OSBPL6: variants seen among roughly 807,000 people sequenced by gnomAD.
OSBPL6 encodes the protein oxysterol binding protein like 6, also known as oxysterol-binding protein-related protein 6.
OSBPL6 carries 49 observed loss-of-function variants against 125.8 expected under a neutral mutation model. That is an observed-to-expected ratio of 0.39 (90% CI 0.31 to 0.49). OSBPL6 has a LOEUF of 0.49. Ranked by LOEUF, OSBPL6 falls within the 20% of genes least tolerant of loss-of-function variation. The probability of loss-of-function intolerance (pLI) is 0.88; values close to 1 mark genes in which losing one functional copy is unlikely to be tolerated. For missense variants in OSBPL6, 986 were observed against 1,135.4 expected (o/e 0.87, Z 1.89); for synonymous variants, 394 against 391.8 (o/e 1.01, Z -0.07).
chr2:178,325,844 G>A (rs1688655377), intron 4 of OSBPL6, among the ~76,000 whole-genome samples: 2 of 152,182 alleles, frequency 1.3e-5, no homozygotes, highest in South Asian at 4.1e-4. Flanking sequence ...CACAGCAGAT[G>A]GGGCTTGGGT....
chr2:178,313,658 T>C (rs334597), intron 3 of OSBPL6, among the ~76,000 whole-genome samples: 147,905 of 152,332 alleles, frequency 0.97, 71,841 homozygotes, highest in Non-Finnish European at 0.98. Flanking sequence ...CCAGTTTTTA[T>C]GAAATCTATA....
intron 5 of OSBPL6, among the ~76,000 whole-genome samples, chr2:178,330,899 A>G (rs1689140386): frequency 6.6e-6 from 1 of 152,170 alleles, no homozygotes. Context: ...CTGTACTAGG[A>G]TTATCTTGGA....
intron 12 of OSBPL6, among the ~76,000 whole-genome samples, chr2:178,356,436 C>T (rs1194168502): frequency 2.0e-5 from 3 of 152,256 alleles, no homozygotes; most frequent in African/African-American, 7.2e-5. Context: ...CATTCCTATA[C>T]ACCAATAACA....
chr2:178,362,507 C>A (rs1018173787), intron 13 of OSBPL6, among the ~76,000 whole-genome samples: 12 of 152,106 alleles, frequency 7.9e-5, no homozygotes, highest in Non-Finnish European at 1.5e-4. Flanking sequence ...TATAAATGCA[C>A]TGACTTAACT....
intron 1 of OSBPL6, among the ~76,000 whole-genome samples, chr2:178,262,372 T>C (rs2092091913): frequency 2.0e-5 from 3 of 152,196 alleles, no homozygotes; most frequent in Admixed American, 2.0e-4. Context: ...TTTTCCATAA[T>C]ATGTATTGCA....
At chr2:178,358,188 A>C (rs1432640436) in intron 12 of OSBPL6, among the ~76,000 whole-genome samples, 4 of 152,222 alleles carry the variant, frequency 2.6e-5, no homozygotes, top group Non-Finnish European at 5.9e-5. Context: ...CTATGTACCA[A>C]ACCTGCACGT....
chr2:178,291,659 G>A (rs1685272136), intron 2 of OSBPL6, among the ~76,000 whole-genome samples: 1 of 123,958 alleles, frequency 8.1e-6, no homozygotes, highest in African/African-American at 3.0e-5. Flanking sequence ...ATAGGAACAG[G>A]TAGTCTCTTC....
rs1691895556 is a variant in OSBPL6, at chr2:178,357,333, T to C, written c.1154-4349T>C. Among the ~76,000 whole-genome samples, 8 of 152,320 alleles carry C rather than the reference T, an allele frequency of 5.3e-5. No homozygotes were observed. In the South Asian group the frequency reaches 1.7e-3, roughly 32 times the overall value. On this transcript the variant is annotated intron_variant, in intron 12 of 24. Coordinates refer to ENST00000190611, the MANE Select transcript of OSBPL6 (RefSeq NM_032523.4). ...AGAATGGGAGAAGATTTTTGCAATC[T>C]ACCCATCTGACAAAGGGCTAGTATT...
At chr2:178,219,783 A>G (rs1018924619) in intron 1 of OSBPL6, among the ~76,000 whole-genome samples, 2 of 152,178 alleles carry the variant, frequency 1.3e-5, no homozygotes, top group African/African-American at 4.8e-5. Flanking sequence ...GTCAGGAGCA[A>G]TTAGTGACAC....
At chr2:178,360,970 G>A (rs909356135) in intron 12 of OSBPL6, among the ~76,000 whole-genome samples, 11 of 152,182 alleles carry the variant, frequency 7.2e-5, no homozygotes, top group Non-Finnish European at 1.0e-4. Context: ...AAAAATAGAT[G>A]TTGGAAAGTC....
chr2:178,314,143 T>C (rs1374169980), intron 3 of OSBPL6, among the ~76,000 whole-genome samples: 2 of 152,242 alleles, frequency 1.3e-5, no homozygotes, highest in African/African-American at 4.8e-5. Context: ...AATCACTACT[T>C]TGAAACATAG....
At position 178,390,784 on chromosome 2, in the gene OSBPL6, GA is replaced by G. The variant is rs1378564306; in HGVS notation, c.2302-281del. ...GCAAGAGGAAAATTCAAAACAAGAGGAAAAAAAATTGCTAGCTTAGAAATTA... is the reference window on the plus strand; with the variant it reads ...GCAAGAGGAAAATTCAAAACAAGAGGAAAAAAATTGCTAGCTTAGAAATTA... On this transcript the variant is annotated intron_variant, in intron 21 of 24. Coordinates refer to ENST00000190611, the MANE Select transcript of OSBPL6 (RefSeq NM_032523.4). Among the ~76,000 whole-genome samples the G allele has an allele frequency of 8.6e-5, 13 of 151,880 alleles. No homozygotes were observed. The East Asian group carries it at 1.4e-3, about 16-fold the overall frequency.
rs1362122814 is a variant in OSBPL6, at chr2:178,371,361, CTCT to C, written c.1288-760_1288-758del. Among the ~76,000 whole-genome samples the C allele has an allele frequency of 5.3e-5, 8 of 152,262 alleles. No individual in the cohort carries two copies. The South Asian group carries it at 1.0e-3, about 20-fold the overall frequency. ...GATGCCATGCTTATGTAAAGCTGTT[CTCT>C]TCTTGTAATAAATGCAGTTGCTCCA... is the stretch of plus-strand genomic sequence containing the variant. On this transcript the variant is annotated intron_variant, in intron 13 of 24. Transcript: ENST00000190611.
chr2:178,210,215 G>A (rs994624928), intron 1 of OSBPL6, among the ~76,000 whole-genome samples: 33 of 151,954 alleles, frequency 2.2e-4, no homozygotes, highest in African/African-American at 7.2e-4. Context: ...AGTAGAGATG[G>A]GGTTTCACCA....
At chr2:178,334,671 G>A (rs12475238) in intron 8 of OSBPL6, among the ~76,000 whole-genome samples, 6 of 152,068 alleles carry the variant, frequency 3.9e-5, no homozygotes, top group South Asian at 2.1e-4. Context: ...CTGGGATTAC[G>A]GGTGCCTACC....
intron 9 of OSBPL6, among the ~76,000 whole-genome samples, chr2:178,338,739 CAGTGTGACTG>C (rs1553560978): frequency 6.6e-6 from 1 of 152,186 alleles, no homozygotes; most frequent in Non-Finnish European, 1.5e-5. Context: ...GGATCACATA[CAGTGTGACTG>C]AGAGTTTCAT....
intron 9 of OSBPL6, among the ~76,000 whole-genome samples, chr2:178,336,665 G>A (rs893365392): frequency 6.6e-6 from 1 of 152,078 alleles, no homozygotes; most frequent in African/African-American, 2.4e-5. Context: ...AGTTGAATCT[G>A]GTTCTTGCCT....
intron 1 of OSBPL6, chr2:178,230,280 G>C (rs954590599): frequency 6.6e-6 from 1 of 152,246 alleles, no homozygotes; most frequent in Non-Finnish European, 1.5e-5. Flanking sequence ...ACTTGTGGAG[G>C]TGAGATGGTG....
chr2:178,292,870 A>C (rs537904933), intron 2 of OSBPL6, among the ~76,000 whole-genome samples: 1 of 152,164 alleles, frequency 6.6e-6, no homozygotes, highest in African/African-American at 2.4e-5. Flanking sequence ...GCCTATTCTG[A>C]GGTAACACTT....
Sources: gnomAD v4.1 joint callset for allele counts (sites outside exome capture counted in the v4.1 genomes callset) on GRCh38, gnomAD v4.1.1 for gene constraint, MANE v1.5 for transcripts, NCBI Gene and HGNC (gene_info 2026-07-23, HGNC 2026-07-21) for gene names.